The following GRM3 variants were observed in gnomAD, a reference collection of about 807,000 sequenced individuals.
GRM3 encodes metabotropic glutamate receptor 3.
GRM3 carries 26 observed loss-of-function variants against 70.5 expected under a neutral mutation model. The observed-to-expected ratio is 0.37, with a 90% CI of 0.27 to 0.51. GRM3 has a LOEUF of 0.51. Ranked by LOEUF, GRM3 falls within the 20% of genes least tolerant of loss-of-function variation. GRM3 has a pLI of 0.93. For missense variants in GRM3, 859 were observed against 1,123.8 expected (o/e 0.76, Z 3.37); for synonymous variants, 443 against 434.9 (o/e 1.02, Z -0.23).
chr7:86,732,395 G>T (rs990632894), intron 1 of GRM3, among the ~76,000 whole-genome samples: 3 of 150,402 alleles, frequency 2.0e-5, no homozygotes, highest in Non-Finnish European at 4.4e-5. Flanking sequence ...AGATTAGAGT[G>T]GGGGCTGGAA....
At chr7:86,824,812 G>T (rs1208867652) in intron 3 of GRM3, among the ~76,000 whole-genome samples, 2 of 150,908 alleles carry the variant, frequency 1.3e-5, no homozygotes, top group Non-Finnish European at 3.0e-5. Flanking sequence ...ATGTGTGTGT[G>T]TGCACATATA....
intron 2 of GRM3, among the ~76,000 whole-genome samples, chr7:86,782,182 T>TTCCCTTTCACCCTG (rs200344556): frequency 6.6e-6 from 1 of 151,076 alleles, no homozygotes; most frequent in Non-Finnish European, 1.5e-5. Flanking sequence ...TCCTTCCTCC[T>TTCCCTTTCACCCTG]TCCCTTTCAC....
intron 2 of GRM3, among the ~76,000 whole-genome samples, chr7:86,769,258 C>T (rs969309431): frequency 3.9e-5 from 6 of 152,140 alleles, no homozygotes; most frequent in African/African-American, 1.2e-4. Flanking sequence ...TGGAAATTGT[C>T]TTTTCTTGAA....
intron 1 of GRM3, among the ~76,000 whole-genome samples, chr7:86,705,030 T>G (rs149740408): frequency 2.4e-4 from 37 of 152,014 alleles, no homozygotes; most frequent in African/African-American, 8.2e-4. Flanking sequence ...CACATATAGC[T>G]CTTCCCTTTA....
rs143502188 is a variant in GRM3 at position 86,764,466 on chromosome 7, C to T, written c.-140-540C>T. Among the ~76,000 whole-genome samples the T allele has an allele frequency of 5.3e-3, 808 of 152,130 alleles. 11 individuals are homozygous for T. Among genetic ancestry groups the T allele is most frequent in the South Asian group, 0.021 (101 of 4,812 alleles). ...GAGGCAGACTCTTAACCTCAATGGGCTAGGATAGTTCATCTATTAAGGGAG... is the reference window on the plus strand; with the variant it reads ...GAGGCAGACTCTTAACCTCAATGGGTTAGGATAGTTCATCTATTAAGGGAG... On this transcript the variant is annotated intron_variant, in intron 1 of 5. Transcript: ENST00000361669.
chr7:86,772,673 A>G (rs1796776221), intron 2 of GRM3, among the ~76,000 whole-genome samples: 1 of 152,068 alleles, frequency 6.6e-6, no homozygotes, highest in South Asian at 2.1e-4. Context: ...TTTTTATGCC[A>G]GATGCTGTGC....
chr7:86,859,363 C>T (rs1798911336), intron 5 of GRM3, among the ~76,000 whole-genome samples: 1 of 152,076 alleles, frequency 6.6e-6, no homozygotes, highest in Non-Finnish European at 1.5e-5. Flanking sequence ...CTTCATCTGC[C>T]CAGATAACAT....
At chr7:86,824,498 G>A (rs1798191967) in intron 3 of GRM3, among the ~76,000 whole-genome samples, 1 of 152,140 alleles carries the variant, frequency 6.6e-6, no homozygotes, top group African/African-American at 2.4e-5. Context: ...TATACAGTAT[G>A]TAGTACTTGG....
chr7:86,722,616 G>C (rs1037205173), intron 1 of GRM3, among the ~76,000 whole-genome samples: 1 of 149,364 alleles, frequency 6.7e-6, no homozygotes, highest in Non-Finnish European at 1.5e-5. Flanking sequence ...GGGGTGGGGG[G>C]CTAGGAGAGG....
At chr7:86,739,079 G>T (rs1043641828) in intron 1 of GRM3, among the ~76,000 whole-genome samples, 1 of 152,210 alleles carries the variant, frequency 6.6e-6, no homozygotes, top group Non-Finnish European at 1.5e-5. Context: ...CTGGGTTCAA[G>T]CAATTCTCCT....
intron 1 of GRM3, among the ~76,000 whole-genome samples, chr7:86,720,217 T>G (rs56932446): frequency 0.39 from 59,529 of 151,610 alleles, 14,230 homozygotes; most frequent in African/African-American, 0.68. Flanking sequence ...TAAAGAAAAA[T>G]GAGGCTTTTA....
chr7:86,773,906 A>C lies in GRM3; in HGVS notation c.468+8293A>C, dbSNP rs114289381. 7.3e-3 allele frequency among the ~76,000 whole-genome samples: 1,106 copies of C among 152,214 alleles called. 11 individuals carry two copies. The highest frequency in any genetic ancestry group is 0.026 in the African/African-American group (1,066 of 41,540). On this transcript the variant is annotated intron_variant, in intron 2 of 5. Coordinates refer to ENST00000361669, the MANE Select transcript of GRM3 (RefSeq NM_000840.3). ...GGAAACTACTCTACCGAAAGATAAGAAGTTGCCGTCAGGACCACTGTTCAC... is the reference window on the plus strand; with the variant it reads ...GGAAACTACTCTACCGAAAGATAAGCAGTTGCCGTCAGGACCACTGTTCAC...
intron 1 of GRM3, among the ~76,000 whole-genome samples, chr7:86,700,360 T>A (rs1794919976): frequency 6.6e-6 from 1 of 151,896 alleles, no homozygotes; most frequent in South Asian, 2.1e-4. Flanking sequence ...TGAAAGCCCT[T>A]TGGTTTCTGT....
chr7:86,796,878 C>A (rs376207536), intron 3 of GRM3, among the ~76,000 whole-genome samples: 1 of 152,088 alleles, frequency 6.6e-6, no homozygotes, highest in Non-Finnish European at 1.5e-5. Context: ...GTCTTTTCCA[C>A]GCTGTTCTCA....
At chr7:86,822,874 G>C (rs1215533188) in intron 3 of GRM3, among the ~76,000 whole-genome samples, 1 of 152,170 alleles carries the variant, frequency 6.6e-6, no homozygotes, top group Non-Finnish European at 1.5e-5. Flanking sequence ...CCCCTATTCA[G>C]TAACGAAGTT....
At chr7:86,710,545 G>A (rs1193205363) in intron 1 of GRM3, among the ~76,000 whole-genome samples, 1 of 125,964 alleles carries the variant, frequency 7.9e-6, no homozygotes, top group East Asian at 2.8e-4. Flanking sequence ...CCAAAAGTAA[G>A]CTGCTACTGT....
intron 3 of GRM3, among the ~76,000 whole-genome samples, chr7:86,788,658 G>C (rs552741994): frequency 1.3e-5 from 2 of 152,238 alleles, no homozygotes; most frequent in East Asian, 1.9e-4. Context: ...ATTGAGAATG[G>C]ACCTTGGAGT....
chr7:86,818,860 A>G (rs1798065347), intron 3 of GRM3, among the ~76,000 whole-genome samples: 2 of 152,142 alleles, frequency 1.3e-5, no homozygotes, highest in African/African-American at 2.4e-5. Context: ...ACAATGCCAC[A>G]CGATGTGGGC....
chr7:86,823,535 G>C (rs190608987), intron 3 of GRM3, among the ~76,000 whole-genome samples: 1 of 136,808 alleles, frequency 7.3e-6, no homozygotes, highest in East Asian at 2.2e-4. Flanking sequence ...AAAAAGAAAT[G>C]TTATTAGCTA....
Sources: allele counts gnomAD v4.1 joint callset (sites outside exome capture counted in the v4.1 genomes callset), GRCh38; gene constraint gnomAD v4.1.1; transcripts MANE v1.5; gene names NCBI Gene and HGNC (gene_info 2026-07-23, HGNC 2026-07-21).